The following PAN3 variants were observed in gnomAD, a reference collection of about 807,000 sequenced individuals.
PAN3 encodes poly(A) specific ribonuclease subunit PAN3.
PAN3 carries 19 observed loss-of-function variants against 96.2 expected under a neutral mutation model. That is an observed-to-expected ratio of 0.20 (90% CI 0.14 to 0.29). PAN3 has a LOEUF of 0.29. Ranked by LOEUF, PAN3 falls within the 10% of genes least tolerant of loss-of-function variation. PAN3 has a pLI of 1.00. For missense variants in PAN3, 882 were observed against 1,108.1 expected (o/e 0.80, Z 2.90); for synonymous variants, 433 against 406.6 (o/e 1.06, Z -0.78).
chr13:28,237,993 C>T (rs1211432499), intron 6 of PAN3, among the ~76,000 whole-genome samples: 1 of 152,138 alleles, frequency 6.6e-6, no homozygotes, highest in South Asian at 2.1e-4. Context: ...GTTAATTTGA[C>T]CTGCATTTGT....
intron 1 of PAN3, among the ~76,000 whole-genome samples, chr13:28,141,400 A>G (rs1041682739): frequency 2.7e-5 from 4 of 148,518 alleles, no homozygotes; most frequent in Admixed American, 6.7e-5. Flanking sequence ...TTATTTATCT[A>G]TTAATCTTAT....
chr13:28,273,826 A>G (rs1886837796), intron 14 of PAN3, among the ~76,000 whole-genome samples: 2 of 152,344 alleles, frequency 1.3e-5, no homozygotes, highest in African/African-American at 4.8e-5. Flanking sequence ...TACATGGAGA[A>G]ACACCTTATT....
At chr13:28,197,151 G>A in intron 4 of PAN3, 34 bp from the exon 5 acceptor site, 1 of 1,601,704 alleles carries the variant, frequency 6.2e-7, no homozygotes, top group Non-Finnish European at 8.5e-7. Flanking sequence ...GGGGATGTTA[G>A]GAGTGGCCTG....
At chr13:28,267,544 C>T in intron 12 of PAN3, 143 bp downstream of exon 12, 3 of 698,074 alleles carry the variant, frequency 4.3e-6, no homozygotes. Context: ...TAGTTGTTTT[C>T]ATGTTCCTGA....
intron 8 of PAN3, 58 bp from the exon 9 acceptor site, chr13:28,261,343 G>C: frequency 5.7e-6 from 7 of 1,226,144 alleles, no homozygotes; most frequent in Non-Finnish European, 8.0e-6. Context: ...AATTATAATA[G>C]GAATTCCAGG....
At chr13:28,247,756 AGTTCTGT>A (rs1422831143) in intron 6 of PAN3, among the ~76,000 whole-genome samples, 1 of 152,072 alleles carries the variant, frequency 6.6e-6, no homozygotes, top group African/African-American at 2.4e-5. Context: ...ATTTATTTCA[AGTTCTGT>A]GTTCTGTTCC....
intron 6 of PAN3, among the ~76,000 whole-genome samples, chr13:28,238,415 G>A (rs995056355): frequency 3.3e-5 from 5 of 152,114 alleles, no homozygotes; most frequent in African/African-American, 1.2e-4. Flanking sequence ...AAACAAAAAA[G>A]ACACTTAACC....
chr13:28,259,488 G>A (rs957947954), intron 7 of PAN3, among the ~76,000 whole-genome samples: 2 of 151,744 alleles, frequency 1.3e-5, no homozygotes, highest in Non-Finnish European at 2.9e-5. Flanking sequence ...TGTATTTTTA[G>A]TAGAGACAGG....
rs117144330 is a variant in PAN3 at position 28,232,181 on chromosome 13, C to T, written c.1000+11803C>T. On this transcript the variant is annotated intron_variant, in intron 6 of 18. Coordinates refer to ENST00000380958, the MANE Select transcript of PAN3 (RefSeq NM_175854.8). The stretch of plus-strand genomic sequence containing the variant: ...TCACAGAATTCCTAATCCCCCGCAA[C>T]CCGGAGGCTGTAAAAATGAGGATAA... Among the ~76,000 whole-genome samples the T allele has an allele frequency of 1.3e-3, 205 of 152,216 alleles. 3 individuals are homozygous for T. In the Middle Eastern group the frequency reaches 0.02, roughly 15 times the overall value.
At chr13:28,157,269 A>T (rs757615365) in intron 1 of PAN3, among the ~76,000 whole-genome samples, 2 of 152,168 alleles carry the variant, frequency 1.3e-5, no homozygotes, top group Non-Finnish European at 2.9e-5. Context: ...CAGCAGCATC[A>T]TAACTGAATG....
At chr13:28,215,583 C>G (rs553241398) in intron 5 of PAN3, 60 of 783,936 alleles carry the variant, frequency 7.7e-5, no homozygotes, top group African/African-American at 1.4e-4. Flanking sequence ...TGTCTATGCC[C>G]TTGTACTGAA....
chr13:28,165,765 G>C (rs1324475132), intron 1 of PAN3, among the ~76,000 whole-genome samples: 1 of 152,064 alleles, frequency 6.6e-6, no homozygotes, highest in African/African-American at 2.4e-5. Context: ...AACCAAGGTG[G>C]GTTGGTTTGG....
intron 1 of PAN3, among the ~76,000 whole-genome samples, chr13:28,166,399 GAC>G (rs1873541046): frequency 6.6e-6 from 1 of 152,180 alleles, no homozygotes; most frequent in African/African-American, 2.4e-5. Context: ...TTGCCTTCTG[GAC>G]ACACTGGGAC....
chr13:28,181,290 C>A (rs950955009), intron 4 of PAN3, among the ~76,000 whole-genome samples: 1 of 151,980 alleles, frequency 6.6e-6, no homozygotes, highest in South Asian at 2.1e-4. Context: ...TCGAGAATCA[C>A]TTGAGGTCAG....
intron 6 of PAN3, among the ~76,000 whole-genome samples, chr13:28,225,094 T>A (rs1410609220): frequency 6.6e-6 from 1 of 152,212 alleles, no homozygotes; most frequent in African/African-American, 2.4e-5. Flanking sequence ...TCCAGTTTTT[T>A]AAAAATACGG....
At position 28,280,519 on chromosome 13, in the gene PAN3, T is replaced by C. The variant is rs1187877186; in HGVS notation, c.2297T>C (p.Val766Ala). The C allele has an allele frequency of 8.4e-5, 136 of 1,611,980 alleles. No homozygotes were observed. Among genetic ancestry groups the C allele is most frequent in the Non-Finnish European group, 1.1e-4 (135 of 1,179,194 alleles). ...QLDAAQMRND[V>A]IEEDLAKEVQ... ...GATGCTGCTCAAATGAGAAATGATGTCATAGAGGAAGACCTTGCAAAGGTA... is the reference window on the plus strand; with the variant it reads ...GATGCTGCTCAAATGAGAAATGATGCCATAGAGGAAGACCTTGCAAAGGTA... Residue 766 changes from valine to alanine, a missense_variant, in exon 16 of 19, where the codon GTC becomes GCC. Coordinates refer to ENST00000380958, the MANE Select transcript of PAN3 (RefSeq NM_175854.8).
chr13:28,151,432 A>G (rs779612640), intron 1 of PAN3, among the ~76,000 whole-genome samples: 3 of 151,916 alleles, frequency 2.0e-5, no homozygotes, highest in Non-Finnish European at 4.4e-5. Context: ...GGAGAATCAC[A>G]TGAACCTGGG....
At position 28,261,787 on chromosome 13, in the gene PAN3, C is replaced by T. The variant is rs904010241; in HGVS notation, c.1411+329C>T. Among the ~76,000 whole-genome samples the T allele has an allele frequency of 3.4e-5, 5 of 148,222 alleles. No homozygotes were observed. In the East Asian group the frequency reaches 6.0e-4, roughly 18 times the overall value. On this transcript the variant is annotated intron_variant, in intron 9 of 18. Coordinates refer to ENST00000380958, the MANE Select transcript of PAN3 (RefSeq NM_175854.8). ...AAGACTGCAGTGAGCTGGCTATAAT[C>T]GCCCCACTGCACTCCAGCCGGGGTG...
At chr13:28,215,693 G>T in intron 5 of PAN3, 1 of 1,487,088 alleles carries the variant, frequency 6.7e-7, no homozygotes. Context: ...AATTCTTGAA[G>T]TCTGGTGATG....
Sources: allele counts gnomAD v4.1 joint callset (sites outside exome capture counted in the v4.1 genomes callset), GRCh38; gene constraint gnomAD v4.1.1; transcripts MANE v1.5; gene names NCBI Gene and HGNC (gene_info 2026-07-23, HGNC 2026-07-21).